MYRFL: variants seen among roughly 807,000 people sequenced by gnomAD.
The protein encoded by MYRFL is myelin regulatory factor like.
Under a neutral mutation model 109.4 loss-of-function variants are expected in MYRFL, and 88 were observed. The observed-to-expected ratio is 0.80, with a 90% CI of 0.68 to 0.96. The LOEUF (loss-of-function observed/expected upper bound fraction) is 0.96, where lower values mean the gene tolerates loss of function less well. MYRFL is among the 40% of genes least tolerant of loss of function. The pLI is 0.00. For synonymous variants in MYRFL, 324 were observed against 320.9 expected, an observed-to-expected ratio of 1.01 and a Z score of -0.10; for missense variants, 957 against 954.9, an observed-to-expected ratio of 1.00 and a Z score of -0.03.
intron 1 of MYRFL, among the ~76,000 whole-genome samples, chr12:69,844,931 T>C (rs972039300): frequency 1.3e-5 from 2 of 152,096 alleles, no homozygotes; most frequent in Admixed American, 1.3e-4. Flanking sequence ...AAGTATATGA[T>C]GTCACTCTCC....
At chr12:69,920,544 G>A (rs1042823895) in intron 13 of MYRFL, among the ~76,000 whole-genome samples, 1 of 151,782 alleles carries the variant, frequency 6.6e-6, no homozygotes, top group African/African-American at 2.4e-5. Context: ...TGGCAACTAT[G>A]GATGAAATAT....
At chr12:69,852,489 C>CTATT (rs567294711) in intron 1 of MYRFL, among the ~76,000 whole-genome samples, 4 of 150,034 alleles carry the variant, frequency 2.7e-5, no homozygotes, top group African/African-American at 7.3e-5. Context: ...AACCAACTAC[C>CTATT]TATTTATTTA....
chr12:69,880,268 G>C lies in MYRFL; in HGVS notation c.532G>C (p.Val178Leu). Residue 178 changes from valine (V) to leucine (L), a missense_variant, in exon 5 of 25, where the codon GTG (valine) becomes CTG (leucine). Physicochemically the swap from Val to Leu is conservative, Grantham distance 32 (BLOSUM62 1). Coordinates refer to ENST00000552032, the MANE Select transcript of MYRFL (RefSeq NM_182530.3). ...ACTGGAGGACTCCGGGGAATGCCGA[G>C]TGTGGGCCTGCCACTGCAGACCGAG... The part of the protein sequence containing the change: ...QALEDSGECR[V>L]WACHCRPMTS... The C allele has an allele frequency of 1.4e-6, 1 of 702,738 alleles. No individual in the cohort carries two copies. The highest frequency in any genetic ancestry group is 2.7e-5 in the East Asian group (1 of 37,286). The allele number at this position is 702,738 out of a possible 1,614,324, so 43.5% of individuals were successfully genotyped here.
At chr12:69,897,267 T>G (rs10879040) in intron 10 of MYRFL, 21 bp downstream of exon 10, 487,201 of 1,512,014 alleles carry the variant, frequency 0.32, 80,695 homozygotes, top group African/African-American at 0.36. Context: ...TTCTCTGACT[T>G]TTCTGGATCT....
At chr12:69,884,541 T>C (rs1467154869) in intron 5 of MYRFL, among the ~76,000 whole-genome samples, 1 of 152,226 alleles carries the variant, frequency 6.6e-6, no homozygotes, top group Non-Finnish European at 1.5e-5. Context: ...GAAGTGGAGC[T>C]GGCTTTTGGC....
chr12:69,899,206 C>T (rs934583990), intron 10 of MYRFL, among the ~76,000 whole-genome samples: 1 of 151,076 alleles, frequency 6.6e-6, no homozygotes, highest in African/African-American at 2.4e-5. Flanking sequence ...GGATTACTAA[C>T]ATCAACCATT....
intron 19 of MYRFL, among the ~76,000 whole-genome samples, chr12:69,938,012 CAG>C (rs1955523138): frequency 1.3e-5 from 2 of 152,234 alleles, no homozygotes; most frequent in South Asian, 2.1e-4. Context: ...AGCTGAGACA[CAG>C]AGAGTTCTTT....
At chr12:69,833,759 G>C (rs903496046) in intron 1 of MYRFL, among the ~76,000 whole-genome samples, 10 of 151,268 alleles carry the variant, frequency 6.6e-5, no homozygotes, top group African/African-American at 2.4e-4. Flanking sequence ...CTTCTAATCA[G>C]GTCACAGGGA....
intron 1 of MYRFL, among the ~76,000 whole-genome samples, chr12:69,829,930 A>G (rs1190600070): frequency 6.6e-6 from 1 of 152,102 alleles, no homozygotes; most frequent in Admixed American, 6.6e-5. Flanking sequence ...TCTTATGGGT[A>G]AAGAGTATCT....
chr12:69,847,939 T>A (rs1883655988), intron 1 of MYRFL, among the ~76,000 whole-genome samples: 2 of 152,134 alleles, frequency 1.3e-5, no homozygotes, highest in South Asian at 4.1e-4. Context: ...GGTTTAAGAG[T>A]CTTTTTCTCT....
intron 15 of MYRFL, among the ~76,000 whole-genome samples, chr12:69,930,917 A>AT (rs1566034343): frequency 3.3e-5 from 5 of 152,206 alleles, no homozygotes; most frequent in Admixed American, 2.6e-4. Context: ...TTGAATCAGA[A>AT]TTTTACATGT....
At chr12:69,926,117 C>CTTTTTTTTTTTT (rs147973443) in intron 13 of MYRFL, among the ~76,000 whole-genome samples, 3 of 84,852 alleles carry the variant, frequency 3.5e-5, no homozygotes, top group African/African-American at 4.8e-5. Flanking sequence ...TCTTCTTCTT[C>CTTTTTTTTTTTT]TTTTTTTTTT....
chr12:69,849,144 T>A (rs932528090), intron 1 of MYRFL, among the ~76,000 whole-genome samples: 3 of 152,258 alleles, frequency 2.0e-5, no homozygotes, highest in African/African-American at 7.2e-5. Context: ...AGTGCTGGAA[T>A]TACAGGCGCG....
At chr12:69,901,720 T>C (rs1954188322) in intron 10 of MYRFL, among the ~76,000 whole-genome samples, 1 of 152,164 alleles carries the variant, frequency 6.6e-6, no homozygotes, top group Non-Finnish European at 1.5e-5. Context: ...TAAAAGGATT[T>C]GAGTCAAAGC....
chr12:69,856,527 T>A (rs1237719658), intron 2 of MYRFL, among the ~76,000 whole-genome samples: 1 of 152,076 alleles, frequency 6.6e-6, no homozygotes, highest in Non-Finnish European at 1.5e-5. Flanking sequence ...GCATGAGATA[T>A]CCAATTGCTT....
intron 14 of MYRFL, 140 bp downstream of exon 14, chr12:69,926,874 G>T: frequency 1.8e-6 from 1 of 562,282 alleles, no homozygotes; most frequent in East Asian, 6.5e-5. Flanking sequence ...TTTTCTTTTA[G>T]AATATTTTGG....
At chr12:69,859,137 C>T (rs890404759) in intron 2 of MYRFL, among the ~76,000 whole-genome samples, 4 of 151,962 alleles carry the variant, frequency 2.6e-5, no homozygotes, top group Non-Finnish European at 5.9e-5. Flanking sequence ...TATTATGTAA[C>T]TTCCAAACGT....
intron 10 of MYRFL, among the ~76,000 whole-genome samples, chr12:69,900,637 A>G (rs950845273): frequency 1.8e-4 from 28 of 152,170 alleles, no homozygotes; most frequent in African/African-American, 5.5e-4. Context: ...AAAAGGTGCA[A>G]AAATGGACTT....
intron 19 of MYRFL, among the ~76,000 whole-genome samples, chr12:69,945,794 T>C (rs11177986): frequency 0.27 from 40,844 of 149,384 alleles, 5,859 homozygotes; most frequent in East Asian, 0.48. Context: ...GAGACCATCC[T>C]GGCTAAAACG....
Sources: gnomAD v4.1 joint callset for allele counts (sites outside exome capture counted in the v4.1 genomes callset) on GRCh38, gnomAD v4.1.1 for gene constraint, MANE v1.5 for transcripts, NCBI Gene and HGNC (gene_info 2026-07-23, HGNC 2026-07-21) for gene names.